The following NUP93 variants were observed in gnomAD, a reference collection of about 807,000 sequenced individuals.
NUP93 encodes the protein nuclear pore complex protein Nup93.
In NUP93, 55 loss-of-function variants were observed where a neutral mutation model predicts 107.8. The observed-to-expected ratio is 0.51, with a 90% CI of 0.41 to 0.64. The LOEUF (loss-of-function observed/expected upper bound fraction) is 0.64, where lower values mean the gene tolerates loss of function less well. Among genes scored for constraint, NUP93 ranks in the 30% least tolerant of loss-of-function variants. The pLI is 0.00. For missense variants in NUP93, 937 were observed against 1,044.7 expected (o/e 0.90, Z 1.42); for synonymous variants, 390 against 397.5 (o/e 0.98, Z 0.22).
intron 1 of NUP93, among the ~76,000 whole-genome samples, chr16:56,731,070 G>C (rs1961526926): frequency 6.6e-6 from 1 of 151,296 alleles, no homozygotes; most frequent in Non-Finnish European, 1.5e-5. Flanking sequence ...ATTCTCCTTT[G>C]TGCATTTGTG....
chr16:56,739,793 C>A (rs1390066463), intron 1 of NUP93, among the ~76,000 whole-genome samples: 6 of 72,670 alleles, frequency 8.3e-5, no homozygotes, highest in Non-Finnish European at 1.6e-4. Flanking sequence ...CCAGTAGGGG[C>A]GGCCGGGCAG....
At chr16:56,742,374 G>A (rs1961753131) in intron 1 of NUP93, among the ~76,000 whole-genome samples, 1 of 152,106 alleles carries the variant, frequency 6.6e-6, no homozygotes, top group Non-Finnish European at 1.5e-5. Context: ...AACTAAGAAG[G>A]GTTTTTACGT....
At chr16:56,822,514 CAAAA>C (rs751717930) in intron 7 of NUP93, among the ~76,000 whole-genome samples, 3 of 92,036 alleles carry the variant, frequency 3.3e-5, no homozygotes, top group Non-Finnish European at 4.5e-5. Context: ...GGCCCTGTCT[CAAAA>C]AAAAAAAAAA....
intron 1 of NUP93, chr16:56,741,752 T>C (rs1469463557): frequency 1.3e-5 from 2 of 152,216 alleles, no homozygotes; most frequent in African/African-American, 4.8e-5. Context: ...TCAAAAAAAA[T>C]AGCAGTGCTA....
intron 15 of NUP93, 111 bp from the exon 16 acceptor site, chr16:56,834,623 T>G: frequency 5.2e-6 from 6 of 1,157,908 alleles, no homozygotes; most frequent in Non-Finnish European, 7.5e-6. Flanking sequence ...TTAGTTTGCC[T>G]AAGACTTATC....
intron 1 of NUP93, among the ~76,000 whole-genome samples, chr16:56,730,682 T>C (rs1359933872): frequency 1.3e-5 from 2 of 152,174 alleles, no homozygotes; most frequent in African/African-American, 4.8e-5. Flanking sequence ...GGGGAACTTA[T>C]CCCAACCCTT....
intron 3 of NUP93, among the ~76,000 whole-genome samples, chr16:56,762,948 C>G (rs1479573848): frequency 1.3e-5 from 2 of 151,994 alleles, no homozygotes; most frequent in Non-Finnish European, 2.9e-5. Flanking sequence ...GATTTAGGAC[C>G]CACCCTAAAT....
intron 2 of NUP93, among the ~76,000 whole-genome samples, chr16:56,751,328 A>T (rs1340899070): frequency 2.0e-5 from 3 of 152,244 alleles, no homozygotes; most frequent in African/African-American, 7.2e-5. Context: ...ACAGCAGATT[A>T]TAACTCTCCT....
chr16:56,749,391 A>G (rs1597104441), intron 2 of NUP93, among the ~76,000 whole-genome samples: 1 of 152,208 alleles, frequency 6.6e-6, no homozygotes, highest in Admixed American at 6.5e-5. Flanking sequence ...GGCGAGTGGT[A>G]AAGTCAGGAT....
chr16:56,822,938 T>C (rs1963578380), intron 7 of NUP93, among the ~76,000 whole-genome samples: 1 of 152,198 alleles, frequency 6.6e-6, no homozygotes, highest in African/African-American at 2.4e-5. Context: ...GAAAACAGGC[T>C]TTTCTCTTTT....
chr16:56,834,881 A>G lies in NUP93; in HGVS notation c.1782+103A>G. The G allele has an allele frequency of 3.1e-6, 3 of 955,436 alleles. 1 individual carries two copies. The South Asian group carries it at 5.0e-5, about 16-fold the overall frequency. The allele number at this position is 955,436 out of a possible 1,614,324, so 59.2% of individuals were successfully genotyped here. On this transcript the variant is annotated intron_variant, in intron 16 of 21. Coordinates refer to ENST00000308159, the MANE Select transcript of NUP93 (RefSeq NM_014669.5). ...TAAGATTCAAGGTACTAAAGATGCA[A>G]ATCTGAACAGAGTTGCTTAATTTAA...
chr16:56,792,253 A>G (rs1962782749), intron 3 of NUP93, among the ~76,000 whole-genome samples: 1 of 152,248 alleles, frequency 6.6e-6, no homozygotes, highest in Non-Finnish European at 1.5e-5. Flanking sequence ...TCTGATTCAT[A>G]TTTTGAAAAC....
intron 3 of NUP93, among the ~76,000 whole-genome samples, chr16:56,771,070 C>T (rs1567382200): frequency 6.6e-6 from 1 of 152,182 alleles, no homozygotes; most frequent in Non-Finnish European, 1.5e-5. Flanking sequence ...TACATCATTT[C>T]ATTGTCCCCT....
intron 3 of NUP93, among the ~76,000 whole-genome samples, chr16:56,779,060 C>G (rs1364265560): frequency 6.6e-6 from 1 of 152,168 alleles, no homozygotes; most frequent in Non-Finnish European, 1.5e-5. Context: ...AGTCATCACT[C>G]AGCCTCACCT....
chr16:56,791,772 C>T (rs1044882702), intron 3 of NUP93, among the ~76,000 whole-genome samples: 5 of 152,166 alleles, frequency 3.3e-5, no homozygotes, highest in South Asian at 2.1e-4. Context: ...TGCAAAGCAG[C>T]GAAGCACTTT....
At chr16:56,839,422 A>G in intron 19 of NUP93, 99 bp from the exon 20 acceptor site, 1 of 868,814 alleles carries the variant, frequency 1.2e-6, no homozygotes, top group Non-Finnish European at 1.8e-6. Context: ...TTTTCTATGA[A>G]GAAGCCCTTT....
chr16:56,797,015 C>T (rs1023778481), intron 3 of NUP93, among the ~76,000 whole-genome samples: 4 of 151,176 alleles, frequency 2.6e-5, no homozygotes, highest in Admixed American at 1.3e-4. Context: ...TGGCTTACGC[C>T]GGTAATCCCA....
intron 3 of NUP93, chr16:56,781,831 T>A (rs1185863477): frequency 1.3e-5 from 13 of 985,156 alleles, no homozygotes; most frequent in Non-Finnish European, 1.6e-5. Context: ...TATAAACTGT[T>A]ACTCCCATCA....
At chr16:56,839,643 C>T (rs1423366428) in intron 20 of NUP93, 39 bp downstream of exon 20, 10 of 1,462,398 alleles carry the variant, frequency 6.8e-6, no homozygotes, top group Non-Finnish European at 9.6e-6. Context: ...TTCCTTTTTC[C>T]CCACTTCCAC....
Sources: gnomAD v4.1 joint callset for allele counts (sites outside exome capture counted in the v4.1 genomes callset) on GRCh38, gnomAD v4.1.1 for gene constraint, MANE v1.5 for transcripts, NCBI Gene and HGNC (gene_info 2026-07-23, HGNC 2026-07-21) for gene names.